The following LRIG2 variants were observed in gnomAD, a reference collection of about 807,000 sequenced individuals.
LRIG2 encodes leucine-rich repeats and immunoglobulin-like domains protein 2.
LRIG2 carries 93 observed loss-of-function variants against 107.8 expected under a neutral mutation model. That is an observed-to-expected ratio of 0.86 (90% CI 0.73 to 1.03). The LOEUF (loss-of-function observed/expected upper bound fraction) is 1.03. LRIG2 is among the 50% of genes least tolerant of loss of function. The pLI, the probability that LRIG2 is intolerant of heterozygous loss-of-function variation, is 0.00. For synonymous variants in LRIG2, 471 were observed against 470.6 expected (o/e 1.00, Z -0.01); for missense variants, 1,226 against 1,296.0 (o/e 0.95, Z 0.83).
intron 16 of LRIG2, among the ~76,000 whole-genome samples, chr1:113,116,721 G>GT (rs1286552507): frequency 1.3e-5 from 2 of 152,126 alleles, no homozygotes; most frequent in African/African-American, 2.4e-5. Flanking sequence ...CTTTTTTCAG[G>GT]TATCTCTTTC....
At chr1:113,105,839 T>C (rs891555142) in intron 11 of LRIG2, among the ~76,000 whole-genome samples, 2 of 152,236 alleles carry the variant, frequency 1.3e-5, no homozygotes, top group Non-Finnish European at 2.9e-5. Flanking sequence ...TAAAGCATTA[T>C]AAAAGCATAG....
chr1:113,088,584 A>G (rs1419202281), intron 1 of LRIG2, among the ~76,000 whole-genome samples: 3 of 152,220 alleles, frequency 2.0e-5, no homozygotes, highest in Non-Finnish European at 4.4e-5. Flanking sequence ...TAGGATTAAA[A>G]TGAAAGCCCT....
intron 1 of LRIG2, among the ~76,000 whole-genome samples, chr1:113,081,999 G>A (rs975799368): frequency 4.6e-5 from 7 of 152,178 alleles, no homozygotes; most frequent in South Asian, 2.1e-4. Context: ...GTAAATAAAA[G>A]ACGTAGTAAA....
In LRIG2 at chr1:113,073,526, A is replaced by C; in HGVS notation, c.120A>C (p.Ala40=). ...TALLLLPAAG[A]GLCPAPCSCR... The stretch of plus-strand genomic sequence containing the variant: ...TCCTCCTGTTGCCCGCCGCCGGAGC[A>C]GGTCTCTGCCCCGCGCCCTGCTCCT... Residue 40 remains alanine, a synonymous_variant, in exon 1 of 18, where the codon GCA becomes GCC. Coordinates refer to ENST00000361127, the MANE Select transcript of LRIG2 (RefSeq NM_014813.3). 6.2e-7 allele frequency: 1 copy of C among 1,614,008 alleles called. No homozygotes were observed. Among genetic ancestry groups the C allele is most frequent in the Non-Finnish European group, 8.5e-7 (1 of 1,179,930 alleles).
At chr1:113,098,540 A>G (rs1654165685) in intron 8 of LRIG2, among the ~76,000 whole-genome samples, 165 bp from the exon 9 acceptor site, 1 of 152,090 alleles carries the variant, frequency 6.6e-6, no homozygotes, top group African/African-American at 2.4e-5. Flanking sequence ...CGTGTTTATT[A>G]CAGATATTTC....
rs1655673708 is a variant in LRIG2, at chr1:113,130,567, C to G, written c.*6466C>G. ...AGCCTTTTTGGTGGAAAGGTACATA[C>G]AGAAGCTAAATCATCATCTGTTAAT... On this transcript the variant is annotated 3_prime_UTR_variant, in exon 18 of 18. Transcript: ENST00000361127. The G allele has an allele frequency of 6.6e-6, 1 of 152,166 alleles. No homozygotes were observed. The highest frequency in any genetic ancestry group is 2.4e-5 in the African/African-American group (1 of 41,446). 9.4% of individuals were successfully genotyped at this position (152,166 alleles called of 1,614,324 possible). A position where few individuals can be genotyped will look rare whatever the true frequency, so the allele number is the denominator to read the frequency against.
At chr1:113,085,570 C>G (rs1653511919) in intron 1 of LRIG2, among the ~76,000 whole-genome samples, 1 of 152,218 alleles carries the variant, frequency 6.6e-6, no homozygotes, top group Non-Finnish European at 1.5e-5. Flanking sequence ...AGGCGTGAAC[C>G]ACTGTGCGCG....
At chr1:113,119,152 A>T in intron 16 of LRIG2, 81 bp from the exon 17 acceptor site, 1 of 1,341,492 alleles carries the variant, frequency 7.5e-7, no homozygotes, top group Non-Finnish European at 1.0e-6. Context: ...AATGATGATG[A>T]CAACTTTTGA....
At chr1:113,098,145 C>G (rs989865640) in intron 8 of LRIG2, among the ~76,000 whole-genome samples, 1 of 152,190 alleles carries the variant, frequency 6.6e-6, no homozygotes, top group Non-Finnish European at 1.5e-5. Context: ...TCCATACTTT[C>G]CCTTTGAAAG....
At chr1:113,112,960 A>G (rs1654836594) in intron 14 of LRIG2, among the ~76,000 whole-genome samples, 200 bp downstream of exon 14, 1 of 152,230 alleles carries the variant, frequency 6.6e-6, no homozygotes, top group African/African-American at 2.4e-5. Context: ...TACATAGGGC[A>G]AAATTAGGTA....
chr1:113,079,347 A>G (rs1389259757), intron 1 of LRIG2, among the ~76,000 whole-genome samples: 1 of 68,510 alleles, frequency 1.5e-5, no homozygotes, highest in East Asian at 3.3e-4. Context: ...GATCCTATTT[A>G]AAAAAAAAAA....
Position 113,110,263 on chromosome 1 carries a change from TA to T in LRIG2, c.1501del (p.Arg501GlyfsTer7). ...TTAGATGATTTTCTCAAGCCACAGA[TA>T]AGGACACATCCTGAAACCATAATTG... ...FVCDDFLKPQ[I>X]RTHPETIIAL... On this transcript the variant is annotated frameshift_variant, in exon 13 of 18. Coordinates refer to ENST00000361127, the MANE Select transcript of LRIG2 (RefSeq NM_014813.3). LOFTEE classifies it high-confidence loss of function. The T allele has an allele frequency of 6.2e-7, 1 of 1,607,510 alleles. No homozygotes were observed. The highest frequency in any genetic ancestry group is 8.5e-7 in the Non-Finnish European group (1 of 1,175,210).
chr1:113,096,619 TA>T (rs1281516980), intron 8 of LRIG2, among the ~76,000 whole-genome samples: 7 of 152,342 alleles, frequency 4.6e-5, no homozygotes, highest in African/African-American at 1.7e-4. Context: ...CTTATTGTGT[TA>T]GTTGCTGTGG....
In LRIG2 at chr1:113,125,183, T is replaced by A. The variant is rs1424187133; in HGVS notation, c.*1082T>A. 1 of 151,996 alleles carries A rather than the reference T, an allele frequency of 6.6e-6. No individual in the cohort carries two copies. Among genetic ancestry groups the A allele is most frequent in the Non-Finnish European group, 1.5e-5 (1 of 67,990 alleles). The allele number at this position is 151,996 out of a possible 1,614,324, so 9.4% of individuals were successfully genotyped here. ...CTGGCTCAAAAGTAAAATAAATAAA[T>A]AAAAAGTTTTAAAAACTTACTTGTT... is the stretch of plus-strand genomic sequence containing the variant. On this transcript the variant is annotated 3_prime_UTR_variant, in exon 18 of 18. Coordinates refer to ENST00000361127, the MANE Select transcript of LRIG2 (RefSeq NM_014813.3).
At chr1:113,079,740 CTTT>C (rs1052163783) in intron 1 of LRIG2, among the ~76,000 whole-genome samples, 20 of 128,794 alleles carry the variant, frequency 1.6e-4, no homozygotes, top group East Asian at 6.7e-4. Context: ...CAGGAGAAAT[CTTT>C]TTTTTTTTTT....
chr1:113,106,153 G>A (rs1372632924), intron 11 of LRIG2, among the ~76,000 whole-genome samples: 2 of 151,928 alleles, frequency 1.3e-5, no homozygotes, highest in Non-Finnish European at 1.5e-5. Flanking sequence ...GCTTGAACCC[G>A]GGAGGCGGAG....
rs750964190 is a variant in LRIG2, at chr1:113,114,658, C to A, written c.2312C>A (p.Thr771Asn). 5 of 1,613,970 alleles carry A rather than the reference C, an allele frequency of 3.1e-6. No homozygotes were observed. In the South Asian group the frequency reaches 4.4e-5, roughly 14 times the overall value. ...AAATATACCTGCATTATGTCTAACA[C>A]CCTTGGGACAGAACGTGGCCACATT... ...AGKYTCIMSN[T>N]LGTERGHIYL... The change falls in exon 15 of 18, where the codon ACC becomes AAC. Residue 771 changes from threonine (T) to asparagine (N), a missense_variant. Thr to Asn is a moderately conservative substitution (Grantham distance 65). This residue lies in a region of LRIG2 where 642 missense variants were observed against 712.2 expected (regional missense o/e 0.90). Transcript: ENST00000361127.
At chr1:113,112,260 T>C (rs1426406841) in intron 13 of LRIG2, among the ~76,000 whole-genome samples, 1 of 152,128 alleles carries the variant, frequency 6.6e-6, no homozygotes, top group African/African-American at 2.4e-5. Flanking sequence ...GCCAGTGTAC[T>C]CCCGCCTGGA....
chr1:113,114,913 TCAGTC>T (rs748819320), intron 15 of LRIG2, 37 bp downstream of exon 15: 4 of 1,492,528 alleles, frequency 2.7e-6, no homozygotes, highest in African/African-American at 2.8e-5. Flanking sequence ...GGCTTGTACT[TCAGTC>T]AAGAATGTAG....
Sources: gnomAD v4.1 joint callset for allele counts (sites outside exome capture counted in the v4.1 genomes callset) on GRCh38, gnomAD v4.1.1 for gene constraint, gnomAD v4.1.1 regional missense constraint, MANE v1.5 for transcripts, NCBI Gene and HGNC (gene_info 2026-07-23, HGNC 2026-07-21) for gene names.